Variants in MCUB observed in about 807,000 individuals in gnomAD.
MCUB encodes the protein calcium uniporter regulatory subunit MCUb, mitochondrial.
A neutral mutation model predicts 41.4 loss-of-function variants in MCUB; 46 were observed. That is an observed-to-expected ratio of 1.11 (90% CI 0.88 to 1.42). MCUB has a LOEUF of 1.42. Ranked by LOEUF, MCUB falls within the 40% of genes most tolerant of loss-of-function variation. The pLI is 0.00. For missense variants in MCUB, 403 were observed against 404.9 expected, an observed-to-expected ratio of 1.00 and a Z score of 0.04; for synonymous variants, 148 against 148.2, an observed-to-expected ratio of 1.00 and a Z score of 0.01.
intron 1 of MCUB, among the ~76,000 whole-genome samples, chr4:109,590,561 T>C (rs1727412870): frequency 6.6e-6 from 1 of 152,260 alleles, no homozygotes; most frequent in Non-Finnish European, 1.5e-5. Context: ...AATAGTTGTA[T>C]AAATTGCTAT....
chr4:109,613,683 G>C (rs1728067491), intron 1 of MCUB, among the ~76,000 whole-genome samples: 2 of 152,066 alleles, frequency 1.3e-5, no homozygotes, highest in African/African-American at 4.8e-5. Context: ...GTACATCACT[G>C]GGTCCTGCCC....
chr4:109,642,863 G>C (rs1484565543), intron 1 of MCUB, among the ~76,000 whole-genome samples: 3 of 148,056 alleles, frequency 2.0e-5, no homozygotes, highest in Non-Finnish European at 3.0e-5. Flanking sequence ...ATATGTAGTA[G>C]AGTTATTGAT....
intron 1 of MCUB, among the ~76,000 whole-genome samples, chr4:109,609,747 GC>G (rs1420445831): frequency 6.6e-6 from 1 of 152,042 alleles, no homozygotes; most frequent in Non-Finnish European, 1.5e-5. Context: ...ACTGAGTCTT[GC>G]CCAGTGCCCG....
At chr4:109,684,905 A>G in intron 6 of MCUB, 1 of 391,938 alleles carries the variant, frequency 2.6e-6, no homozygotes, top group Non-Finnish European at 4.5e-6. Flanking sequence ...CTGTGCCCTC[A>G]TTTATAAAAA....
intron 1 of MCUB, among the ~76,000 whole-genome samples, chr4:109,635,982 A>T (rs1477702157): frequency 6.6e-6 from 1 of 152,212 alleles, no homozygotes; most frequent in African/African-American, 2.4e-5. Context: ...CATTAGGTAT[A>T]TGTGTATTTA....
intron 1 of MCUB, among the ~76,000 whole-genome samples, chr4:109,658,776 T>A (rs1450952773): frequency 6.6e-6 from 1 of 152,152 alleles, no homozygotes; most frequent in Non-Finnish European, 1.5e-5. Flanking sequence ...CATACCCCAA[T>A]TTAGGGATCC....
chr4:109,606,683 CT>C (rs1228325423), intron 1 of MCUB, among the ~76,000 whole-genome samples: 4 of 152,160 alleles, frequency 2.6e-5, no homozygotes, highest in African/African-American at 9.7e-5. Flanking sequence ...TGTCATCCCC[CT>C]GCTTTTTAAC....
chr4:109,637,406 C>G (rs1014671068), intron 1 of MCUB, among the ~76,000 whole-genome samples: 4 of 152,142 alleles, frequency 2.6e-5, no homozygotes, highest in Admixed American at 1.3e-4. Context: ...AGTATCTACC[C>G]AGGGGAAAAG....
Position 109,658,404 on chromosome 4 carries a change from T to A in MCUB, c.100-607T>A, listed in dbSNP as rs1020913167. On this transcript the variant is annotated intron_variant, in intron 1 of 7. Coordinates refer to ENST00000394650, the MANE Select transcript of MCUB (RefSeq NM_017918.5). ...ACTCCACCTCCCGGGTTCAAGTGAT[T>A]CTCCTGCCTCAGCCTCGCGAGTAGC... Among the ~76,000 whole-genome samples, 3 of 152,182 alleles carry A rather than the reference T, an allele frequency of 2.0e-5. No individual in the cohort carries two copies. The East Asian group carries it at 5.8e-4, about 29-fold the overall frequency.
chr4:109,659,793 A>G lies in MCUB; in HGVS notation c.176-402A>G, dbSNP rs138933533. Reference sequence around the variant, plus strand: ...CAGCTCAGCCTCTTAAGTAGCTGCAACTACAGGCGCACACCACCATGCCAG... The same window carrying G: ...CAGCTCAGCCTCTTAAGTAGCTGCAGCTACAGGCGCACACCACCATGCCAG... On this transcript the variant is annotated intron_variant, in intron 2 of 7. Coordinates refer to ENST00000394650, the MANE Select transcript of MCUB (RefSeq NM_017918.5). Among the ~76,000 whole-genome samples the G allele has an allele frequency of 1.3e-3, 193 of 152,246 alleles. 2 individuals are homozygous for G. The East Asian group carries it at 0.032, about 25-fold the overall frequency.
intron 1 of MCUB, among the ~76,000 whole-genome samples, chr4:109,576,370 A>T (rs1272489992): frequency 6.6e-6 from 1 of 152,224 alleles, no homozygotes; most frequent in Non-Finnish European, 1.5e-5. Flanking sequence ...TGATCATTCA[A>T]ACTTATCAGA....
chr4:109,584,540 A>T (rs924107963), intron 1 of MCUB, among the ~76,000 whole-genome samples: 1 of 151,790 alleles, frequency 6.6e-6, no homozygotes, highest in Non-Finnish European at 1.5e-5. Flanking sequence ...TTTAATTGTG[A>T]TGTTAGGGTG....
chr4:109,598,218 C>T (rs547950626), intron 1 of MCUB, among the ~76,000 whole-genome samples: 73 of 150,774 alleles, frequency 4.8e-4, no homozygotes, highest in African/African-American at 1.7e-3. Context: ...GATGCAATCT[C>T]GGCACTTTGG....
At chr4:109,578,830 C>G (rs1473641308) in intron 1 of MCUB, among the ~76,000 whole-genome samples, 1 of 152,080 alleles carries the variant, frequency 6.6e-6, no homozygotes, top group Non-Finnish European at 1.5e-5. Context: ...TTTTGAAGCA[C>G]AGAAATAGAC....
chr4:109,586,648 C>A (rs1209990377), intron 1 of MCUB, among the ~76,000 whole-genome samples: 1 of 152,130 alleles, frequency 6.6e-6, no homozygotes, highest in African/African-American at 2.4e-5. Flanking sequence ...GTGTGGATGT[C>A]CTTTTTGTTG....
chr4:109,641,346 C>T (rs978835264), intron 1 of MCUB, among the ~76,000 whole-genome samples: 15 of 151,604 alleles, frequency 9.9e-5, no homozygotes, highest in South Asian at 6.3e-4. Context: ...CCTCGTGATC[C>T]GCCTGCCTCA....
rs539803169 is a variant in MCUB at position 109,684,020 on chromosome 4, C to A, written c.613-423C>A. ...AATTGTTTTTCCATATGTCTGACCT[C>A]TTCAAAGTAATGCAGATGTGCATTT... is the stretch of plus-strand genomic sequence containing the variant. On this transcript the variant is annotated intron_variant, in intron 5 of 7. Coordinates refer to ENST00000394650, the MANE Select transcript of MCUB (RefSeq NM_017918.5). Among the ~76,000 whole-genome samples the A allele has an allele frequency of 1.1e-3, 171 of 150,970 alleles. 1 individual carries two copies. Among genetic ancestry groups the A allele is most frequent in the African/African-American group, 4.0e-3 (163 of 41,184 alleles).
chr4:109,681,065 T>TAG (rs1442867836), intron 4 of MCUB, among the ~76,000 whole-genome samples: 1 of 152,192 alleles, frequency 6.6e-6, no homozygotes, highest in Non-Finnish European at 1.5e-5. Flanking sequence ...CCTTTACTCT[T>TAG]AGTTCTTAGC....
chr4:109,588,082 A>G (rs1437265480), intron 1 of MCUB, among the ~76,000 whole-genome samples: 1 of 152,226 alleles, frequency 6.6e-6, no homozygotes, highest in Non-Finnish European at 1.5e-5. Context: ...AGTTGTAACT[A>G]CTTAGTTTTG....
Sources: gnomAD v4.1 joint callset for allele counts (sites outside exome capture counted in the v4.1 genomes callset) on GRCh38, gnomAD v4.1.1 for gene constraint, MANE v1.5 for transcripts, NCBI Gene and HGNC (gene_info 2026-07-23, HGNC 2026-07-21) for gene names.